The following TMEM132D variants were observed in gnomAD, a reference collection of about 807,000 sequenced individuals.
TMEM132D encodes mature OL transmembrane protein.
In TMEM132D, 21 loss-of-function variants were observed where a neutral mutation model predicts 62.3. The ratio of observed to expected loss-of-function variants is 0.34; its 90% CI spans 0.24 to 0.49. The LOEUF (loss-of-function observed/expected upper bound fraction) is 0.49, where lower values mean the gene tolerates loss of function less well. TMEM132D is among the 20% of genes least tolerant of loss of function. The pLI is 0.99. For missense variants in TMEM132D, 1,346 were observed against 1,402.8 expected, an observed-to-expected ratio of 0.96 and a Z score of 0.65; for synonymous variants, 621 against 575.6, an observed-to-expected ratio of 1.08 and a Z score of -1.13.
chr12:129,860,601 C>T (rs528705175), intron 1 of TMEM132D, among the ~76,000 whole-genome samples: 1 of 152,250 alleles, frequency 6.6e-6, no homozygotes, highest in African/African-American at 2.4e-5. Context: ...CTTCTCATAA[C>T]CTAATTTTAT....
intron 3 of TMEM132D, among the ~76,000 whole-genome samples, chr12:129,498,931 G>A (rs537642260): frequency 6.6e-6 from 1 of 152,220 alleles, no homozygotes; most frequent in South Asian, 2.1e-4. Flanking sequence ...TCCCTCCAGG[G>A]AATCACTTCA....
At chr12:129,260,215 G>A (rs1421403665) in intron 4 of TMEM132D, among the ~76,000 whole-genome samples, 2 of 152,190 alleles carry the variant, frequency 1.3e-5, no homozygotes, top group African/African-American at 4.8e-5. Flanking sequence ...AAGCGAGTAG[G>A]GTGATACAGA....
chr12:129,818,185 G>C (rs1445563245), intron 1 of TMEM132D, among the ~76,000 whole-genome samples: 1 of 144,906 alleles, frequency 6.9e-6, no homozygotes, highest in African/African-American at 2.6e-5. Flanking sequence ...TGTGTGTGTG[G>C]TGTGGGGGCT....
At chr12:129,440,817 A>G (rs1593009805) in intron 3 of TMEM132D, among the ~76,000 whole-genome samples, 1 of 152,100 alleles carries the variant, frequency 6.6e-6, no homozygotes, top group Non-Finnish European at 1.5e-5. Context: ...TGGCAGGGGG[A>G]GTGCGTGGAA....
chr12:129,869,028 C>T (rs942219821), intron 1 of TMEM132D, among the ~76,000 whole-genome samples: 7 of 151,258 alleles, frequency 4.6e-5, no homozygotes, highest in African/African-American at 1.7e-4. Flanking sequence ...CCCTTAGAAC[C>T]GGTTCCTCAG....
intron 5 of TMEM132D, among the ~76,000 whole-genome samples, chr12:129,176,825 A>G (rs1877920570): frequency 6.6e-6 from 1 of 152,268 alleles, no homozygotes; most frequent in South Asian, 2.1e-4. Context: ...TGTCCCTGGC[A>G]TGTGCCATGG....
chr12:129,218,188 A>G (rs775708115), intron 4 of TMEM132D, among the ~76,000 whole-genome samples: 1 of 152,198 alleles, frequency 6.6e-6, no homozygotes, highest in Non-Finnish European at 1.5e-5. Context: ...TTTTAAATTC[A>G]TCCTCTGAGA....
intron 5 of TMEM132D, among the ~76,000 whole-genome samples, chr12:129,201,868 C>G (rs1878713322): frequency 6.6e-6 from 1 of 152,140 alleles, no homozygotes; most frequent in Non-Finnish European, 1.5e-5. Context: ...AAGCTAGCGC[C>G]AGGCTGGACT....
intron 3 of TMEM132D, among the ~76,000 whole-genome samples, chr12:129,517,016 T>A (rs750066707): frequency 2.0e-5 from 3 of 152,168 alleles, no homozygotes; most frequent in Non-Finnish European, 2.9e-5. Context: ...TCCTCTGTAA[T>A]TACATGGGAC....
At chr12:129,413,399 A>G (rs1872026718) in intron 3 of TMEM132D, among the ~76,000 whole-genome samples, 1 of 152,226 alleles carries the variant, frequency 6.6e-6, no homozygotes, top group African/African-American at 2.4e-5. Flanking sequence ...CTCCCCAGCC[A>G]TGTGGAACAG....
At chr12:129,182,286 C>A (rs1878090562) in intron 5 of TMEM132D, among the ~76,000 whole-genome samples, 1 of 152,176 alleles carries the variant, frequency 6.6e-6, no homozygotes, top group Admixed American at 6.5e-5. Flanking sequence ...ATGGCTTGAC[C>A]CTGGGAGGCA....
chr12:129,366,791 G>A (rs1172301541), intron 3 of TMEM132D, among the ~76,000 whole-genome samples: 2 of 152,140 alleles, frequency 1.3e-5, no homozygotes, highest in Non-Finnish European at 2.9e-5. Context: ...AGGGGGCCGA[G>A]AATCCTTCAG....
At chr12:129,279,157 C>T (rs1881074585) in intron 4 of TMEM132D, among the ~76,000 whole-genome samples, 1 of 152,204 alleles carries the variant, frequency 6.6e-6, no homozygotes, top group Non-Finnish European at 1.5e-5. Flanking sequence ...TACAACATTT[C>T]TGACTCATGG....
intron 5 of TMEM132D, among the ~76,000 whole-genome samples, chr12:129,100,963 G>A (rs988730120): frequency 3.3e-5 from 5 of 152,314 alleles, no homozygotes; most frequent in Admixed American, 3.3e-4. Flanking sequence ...CGGTGGCAGG[G>A]ATTGAAGCTC....
intron 1 of TMEM132D, among the ~76,000 whole-genome samples, chr12:129,710,251 AT>A (rs1292087079): frequency 6.6e-6 from 1 of 152,006 alleles, no homozygotes; most frequent in Non-Finnish European, 1.5e-5. Context: ...TTTCCTTTAA[AT>A]TTTCCCATTA....
intron 4 of TMEM132D, among the ~76,000 whole-genome samples, chr12:129,293,469 G>A (rs1881497656): frequency 1.3e-5 from 2 of 152,182 alleles, no homozygotes; most frequent in Admixed American, 1.3e-4. Context: ...CGGGTGGCGG[G>A]ATGGTTTTGG....
intron 5 of TMEM132D, among the ~76,000 whole-genome samples, chr12:129,131,930 G>A (rs563066549): frequency 3.2e-4 from 48 of 152,072 alleles, no homozygotes; most frequent in African/African-American, 1.1e-3. Context: ...GAGACCACAG[G>A]GTAAACTTTT....
Position 129,443,374 on chromosome 12 carries a change from T to G in TMEM132D, c.1115+87685A>C, listed in dbSNP as rs1478779458. The stretch of plus-strand genomic sequence containing the variant: ...CGCAAGTCTCTAGTATTTGAACTGT[T>G]AAGTCCCATTCTGATATCATCAAAA... On this transcript the variant is annotated intron_variant, in intron 3 of 8. Coordinates refer to ENST00000422113, the MANE Select transcript of TMEM132D (RefSeq NM_133448.3). Among the ~76,000 whole-genome samples the G allele has an allele frequency of 2.6e-5, 4 of 152,230 alleles. No homozygotes were observed. The East Asian group carries it at 7.7e-4, about 29-fold the overall frequency.
chr12:129,343,648 A>G (rs1409422127), intron 3 of TMEM132D, among the ~76,000 whole-genome samples: 1 of 152,088 alleles, frequency 6.6e-6, no homozygotes, highest in Admixed American at 6.5e-5. Flanking sequence ...GTGGTGGCTC[A>G]TGCCTGTAAT....
Sources: gnomAD v4.1 joint callset for allele counts (sites outside exome capture counted in the v4.1 genomes callset) on GRCh38, gnomAD v4.1.1 for gene constraint, MANE v1.5 for transcripts, NCBI Gene and HGNC (gene_info 2026-07-23, HGNC 2026-07-21) for gene names.